Variants in ASIC2 observed in about 807,000 individuals in gnomAD.
The protein encoded by ASIC2 is acid sensing ion channel subunit 2, also known as acid-sensing ion channel 2.
In ASIC2, 25 loss-of-function variants were observed where a neutral mutation model predicts 57.3. That is an observed-to-expected ratio of 0.44 (90% CI 0.32 to 0.61). The LOEUF (loss-of-function observed/expected upper bound fraction) is 0.61. ASIC2 is among the 20% of genes least tolerant of loss of function. ASIC2 has a pLI of 0.06. For synonymous variants in ASIC2, 319 were observed against 307.5 expected, an observed-to-expected ratio of 1.04 and a Z score of -0.39; for missense variants, 641 against 738.1, an observed-to-expected ratio of 0.87 and a Z score of 1.52.
intron 1 of ASIC2, among the ~76,000 whole-genome samples, chr17:33,430,370 G>A (rs1217913114): frequency 6.6e-6 from 1 of 152,164 alleles, no homozygotes; most frequent in African/African-American, 2.4e-5. Flanking sequence ...AGGGGCAGAG[G>A]CATCAAGAGT....
chr17:33,436,499 G>T (rs972557879), intron 1 of ASIC2, among the ~76,000 whole-genome samples: 2 of 149,688 alleles, frequency 1.3e-5, no homozygotes, highest in East Asian at 3.9e-4. Flanking sequence ...TGGCTCAACT[G>T]GTCCTGTGGC....
intron 1 of ASIC2, among the ~76,000 whole-genome samples, chr17:33,219,683 T>C (rs1281304988): frequency 2.0e-5 from 3 of 152,124 alleles, no homozygotes; most frequent in Non-Finnish European, 4.4e-5. Context: ...GTATCAGAGA[T>C]GGGGGAAAAG....
chr17:33,777,598 T>C (rs1337134941), intron 1 of ASIC2, among the ~76,000 whole-genome samples: 1 of 152,130 alleles, frequency 6.6e-6, no homozygotes, highest in Non-Finnish European at 1.5e-5. Flanking sequence ...CTGGTTCTAG[T>C]GCACAGAGAG....
At chr17:33,073,379 C>T (rs116413348) in intron 3 of ASIC2, among the ~76,000 whole-genome samples, 2,575 of 152,242 alleles carry the variant, frequency 0.017, 69 homozygotes, top group Middle Eastern at 0.061. Context: ...TGCTGGCCTG[C>T]GAGCTCAGAA....
chr17:33,787,969 C>A (rs1478307200), intron 1 of ASIC2, among the ~76,000 whole-genome samples: 1 of 152,068 alleles, frequency 6.6e-6, no homozygotes, highest in Non-Finnish European at 1.5e-5. Context: ...TAGAAGAAAA[C>A]GTAGGCAATA....
intron 1 of ASIC2, among the ~76,000 whole-genome samples, chr17:33,532,671 T>C (rs1197680892): frequency 6.6e-6 from 1 of 152,234 alleles, no homozygotes; most frequent in Non-Finnish European, 1.5e-5. Context: ...GTCACTGACA[T>C]TGGTCCTCTT....
In ASIC2 at chr17:33,620,522, G is replaced by A. The variant is rs576805303; in HGVS notation, c.556-508455C>T. 3.3e-5 allele frequency among the ~76,000 whole-genome samples: 5 copies of A among 152,320 alleles called. No individual in the cohort carries two copies. In the East Asian group the frequency reaches 7.7e-4, roughly 24 times the overall value. Reference sequence around the variant, plus strand: ...TGCAGTGTTTTCTGAAGCTGGTGAAGTTTCCAGTGGAATCTAGTGACAGCC... The same window carrying A: ...TGCAGTGTTTTCTGAAGCTGGTGAAATTTCCAGTGGAATCTAGTGACAGCC... On this transcript the variant is annotated intron_variant, in intron 1 of 9. Transcript: ENST00000359872.
At chr17:33,753,311 G>T (rs1037196177) in intron 1 of ASIC2, among the ~76,000 whole-genome samples, 3 of 152,128 alleles carry the variant, frequency 2.0e-5, no homozygotes, top group Non-Finnish European at 4.4e-5. Context: ...GGAAGAAAAG[G>T]AGGGAAGAAG....
chr17:33,245,004 G>A (rs918341183), intron 1 of ASIC2, among the ~76,000 whole-genome samples: 1 of 152,194 alleles, frequency 6.6e-6, no homozygotes, highest in Non-Finnish European at 1.5e-5. Context: ...ACTGGGTCAC[G>A]TGGGGGTGTT....
At chr17:34,119,165 A>G (rs1168261744) in intron 1 of ASIC2, among the ~76,000 whole-genome samples, 1 of 152,148 alleles carries the variant, frequency 6.6e-6, no homozygotes, top group East Asian at 1.9e-4. Flanking sequence ...GTGTTGAAGA[A>G]AGAGAGAAAA....
chr17:33,635,995 C>T (rs757961713), intron 1 of ASIC2, among the ~76,000 whole-genome samples: 14 of 152,152 alleles, frequency 9.2e-5, no homozygotes, highest in Non-Finnish European at 1.6e-4. Context: ...ATTTCAATGA[C>T]GGATACAATT....
intron 1 of ASIC2, among the ~76,000 whole-genome samples, chr17:34,149,976 T>C (rs1042716514): frequency 6.6e-6 from 1 of 152,192 alleles, no homozygotes; most frequent in Admixed American, 6.5e-5. Flanking sequence ...AGCCAAGATA[T>C]GGAATCAACC....
intron 1 of ASIC2, among the ~76,000 whole-genome samples, chr17:33,888,349 G>A (rs1018055181): frequency 6.6e-6 from 1 of 152,116 alleles, no homozygotes; most frequent in Non-Finnish European, 1.5e-5. Context: ...AGCTCACATG[G>A]CTGGAATATG....
At chr17:33,288,184 C>T (rs1905270356) in intron 1 of ASIC2, among the ~76,000 whole-genome samples, 1 of 152,006 alleles carries the variant, frequency 6.6e-6, no homozygotes, top group South Asian at 2.1e-4. Flanking sequence ...GACATCTAAA[C>T]AGGGTGGAAG....
At chr17:33,190,515 A>T (rs1323839838) in intron 1 of ASIC2, among the ~76,000 whole-genome samples, 3 of 152,306 alleles carry the variant, frequency 2.0e-5, no homozygotes, top group South Asian at 2.1e-4. Flanking sequence ...CAGGATTTTT[A>T]AAAAATAGAA....
chr17:33,131,359 G>A (rs1327190238), intron 1 of ASIC2, among the ~76,000 whole-genome samples: 1 of 152,136 alleles, frequency 6.6e-6, no homozygotes, highest in African/African-American at 2.4e-5. Flanking sequence ...TCCATGCCCT[G>A]GATCCCTCCC....
At chr17:33,488,312 C>T (rs568322525) in intron 1 of ASIC2, among the ~76,000 whole-genome samples, 12 of 152,312 alleles carry the variant, frequency 7.9e-5, no homozygotes, top group Non-Finnish European at 1.2e-4. Context: ...TCCGCACCTT[C>T]GCACAGGCCA....
chr17:33,218,286 G>A (rs1419858632), intron 1 of ASIC2, among the ~76,000 whole-genome samples: 1 of 152,082 alleles, frequency 6.6e-6, no homozygotes, highest in Middle Eastern at 3.2e-3. Flanking sequence ...GATGCTGCGG[G>A]GCAGGCCCAG....
chr17:33,426,444 G>C (rs9913341), intron 1 of ASIC2, among the ~76,000 whole-genome samples: 1 of 152,104 alleles, frequency 6.6e-6, no homozygotes, highest in African/African-American at 2.4e-5. Flanking sequence ...GCAAACTCTT[G>C]ACCACCACAA....
Sources: allele counts gnomAD v4.1 joint callset (sites outside exome capture counted in the v4.1 genomes callset), GRCh38; gene constraint gnomAD v4.1.1; transcripts MANE v1.5; gene names NCBI Gene and HGNC (gene_info 2026-07-23, HGNC 2026-07-21).